Variants in GABBR2 observed in about 807,000 individuals in gnomAD.
GABBR2 encodes the protein G-protein coupled receptor 51.
GABBR2 carries 23 observed loss-of-function variants against 105.6 expected under a neutral mutation model. The ratio of observed to expected loss-of-function variants is 0.22; its 90% confidence interval spans 0.16 to 0.31. GABBR2 has a LOEUF of 0.31. GABBR2 is among the 10% of genes least tolerant of loss of function. The pLI is 1.00. For synonymous variants in GABBR2, 478 were observed against 499.7 expected (o/e 0.96, Z 0.58); for missense variants, 734 against 1,245.5 (o/e 0.59, Z 6.18).
At position 98,290,497 on chromosome 9, in the gene GABBR2, G is replaced by T; in HGVS notation, c.*87C>A. The stretch of plus-strand genomic sequence containing the variant: ...AGCCATGGTGCCCAGCTTCTCCGCA[G>T]CCAGAGCCGACAGTGTTTCTGCAGC... On this transcript the variant is annotated 3_prime_UTR_variant, in exon 19 of 19. Coordinates refer to ENST00000259455, the MANE Select transcript of GABBR2 (RefSeq NM_005458.8). The T allele has an allele frequency of 1.0e-6, 1 of 999,302 alleles. No homozygotes were observed. The highest frequency in any genetic ancestry group is 1.3e-6 in the Non-Finnish European group (1 of 755,828). The allele number at this position is 999,302 out of a possible 1,614,324, so 61.9% of individuals were successfully genotyped here.
intron 7 of GABBR2, among the ~76,000 whole-genome samples, chr9:98,438,018 C>T (rs933964437): frequency 1.3e-5 from 2 of 151,394 alleles, no homozygotes; most frequent in Non-Finnish European, 2.9e-5. Flanking sequence ...CCATCCACAT[C>T]TATCCACCTA....
At chr9:98,633,930 T>C (rs756970400) in intron 1 of GABBR2, among the ~76,000 whole-genome samples, 1 of 152,130 alleles carries the variant, frequency 6.6e-6, no homozygotes, top group African/African-American at 2.4e-5. Context: ...GGCCTCAGCA[T>C]GAACATGGTA....
chr9:98,487,221 G>A (rs1330597311), intron 4 of GABBR2, among the ~76,000 whole-genome samples: 1 of 152,156 alleles, frequency 6.6e-6, no homozygotes, highest in African/African-American at 2.4e-5. Flanking sequence ...TGTGTATTCT[G>A]CAGCTTTGCG....
At chr9:98,492,826 C>A (rs1410335339) in intron 4 of GABBR2, among the ~76,000 whole-genome samples, 1 of 152,162 alleles carries the variant, frequency 6.6e-6, no homozygotes, top group Admixed American at 6.5e-5. Context: ...GTCAAGGGAG[C>A]TTTCAATGTG....
rs1487503223 is a variant in GABBR2 at position 98,388,322 on chromosome 9, C to T, written c.1529+532G>A. Among the ~76,000 whole-genome samples, 7 of 152,236 alleles carry T rather than the reference C, an allele frequency of 4.6e-5. No individual in the cohort carries two copies. In the East Asian group the frequency reaches 7.7e-4, roughly 17 times the overall value. The stretch of plus-strand genomic sequence containing the variant: ...TTTCTCTGTGAAATGAGGAGTTATC[C>T]GGAGGGTCATACGGGATGATGGAAG... On this transcript the variant is annotated intron_variant, in intron 10 of 18. Transcript: ENST00000259455. This position sits in a 1 kb window ranked among gnomAD's most constrained non-coding sequence, Gnocchi z 4.4.
At chr9:98,435,818 C>T (rs902861973) in intron 7 of GABBR2, among the ~76,000 whole-genome samples, 1 of 152,186 alleles carries the variant, frequency 6.6e-6, no homozygotes, top group African/African-American at 2.4e-5. Context: ...CTCAGGGAAG[C>T]CTTTACTGAT....
intron 1 of GABBR2, among the ~76,000 whole-genome samples, chr9:98,588,381 A>G (rs575690598): frequency 7.9e-5 from 12 of 152,380 alleles, no homozygotes; most frequent in African/African-American, 2.9e-4. Context: ...TTTGAACAGA[A>G]CAGGTACCCA....
intron 7 of GABBR2, among the ~76,000 whole-genome samples, chr9:98,436,946 C>T (rs888691780): frequency 2.0e-5 from 3 of 152,116 alleles, no homozygotes; most frequent in East Asian, 1.9e-4. Flanking sequence ...CGGTGTGATA[C>T]ATTTCACAGC....
intron 7 of GABBR2, among the ~76,000 whole-genome samples, chr9:98,416,625 G>A (rs1260198217): frequency 6.6e-6 from 1 of 152,236 alleles, no homozygotes; most frequent in Non-Finnish European, 1.5e-5. Context: ...GTCCCTTTGA[G>A]GGGCCATCAG....
intron 3 of GABBR2, 96 bp from the exon 4 acceptor site, chr9:98,496,610 G>T (rs773311835): frequency 5.1e-6 from 4 of 781,224 alleles, no homozygotes; most frequent in Non-Finnish European, 6.8e-6. Context: ...TGGGCAAAGC[G>T]ATTTTCTCTA....
chr9:98,560,673 A>G (rs960274833), intron 2 of GABBR2, among the ~76,000 whole-genome samples: 5 of 150,956 alleles, frequency 3.3e-5, no homozygotes, highest in Admixed American at 3.3e-4. Context: ...CAATAGCATG[A>G]GGAATACTTT....
chr9:98,303,139 C>A, intron 16 of GABBR2, 102 bp downstream of exon 16: 1 of 875,094 alleles, frequency 1.1e-6, no homozygotes, highest in South Asian at 1.8e-5. Context: ...ACTGCACGGT[C>A]ATGCTGCAGG....
At chr9:98,361,912 TCTGC>T (rs1831592408) in intron 13 of GABBR2, among the ~76,000 whole-genome samples, 1 of 152,254 alleles carries the variant, frequency 6.6e-6, no homozygotes, top group Admixed American at 6.5e-5. Flanking sequence ...GATAAAAGGC[TCTGC>T]CCTCAGTGCA....
At chr9:98,676,593 AT>A (rs1386009478) in intron 1 of GABBR2, among the ~76,000 whole-genome samples, 4 of 152,254 alleles carry the variant, frequency 2.6e-5, no homozygotes, top group South Asian at 2.1e-4. Flanking sequence ...GATTTCTGCA[AT>A]TTTTTTCCCT....
intron 7 of GABBR2, among the ~76,000 whole-genome samples, chr9:98,407,935 T>G (rs1270904957): frequency 6.6e-6 from 1 of 152,178 alleles, no homozygotes; most frequent in African/African-American, 2.4e-5. Flanking sequence ...CTTTGATTTC[T>G]CCTTAATTTC....
chr9:98,300,026 C>A (rs940101235), intron 16 of GABBR2, among the ~76,000 whole-genome samples: 1 of 150,302 alleles, frequency 6.7e-6, no homozygotes, highest in Non-Finnish European at 1.5e-5. Flanking sequence ...CCATGTCTGG[C>A]TAATTTTTTT....
chr9:98,675,499 T>C (rs1209706822), intron 1 of GABBR2, among the ~76,000 whole-genome samples: 1 of 152,176 alleles, frequency 6.6e-6, no homozygotes, highest in Non-Finnish European at 1.5e-5. Flanking sequence ...GCCAAAGCCC[T>C]CAGCTTGTGT....
intron 13 of GABBR2, among the ~76,000 whole-genome samples, chr9:98,321,296 C>T (rs1382431787): frequency 6.6e-6 from 1 of 152,136 alleles, no homozygotes; most frequent in Non-Finnish European, 1.5e-5. Context: ...AAGCAAATCC[C>T]TTCCCCTCAG....
intron 1 of GABBR2, among the ~76,000 whole-genome samples, chr9:98,695,198 G>A (rs1830733820): frequency 6.6e-6 from 1 of 152,204 alleles, no homozygotes; most frequent in South Asian, 2.1e-4. Context: ...GGGTGCTCCA[G>A]ACACAGAGAC....
Sources: gnomAD v4.1 joint callset for allele counts (sites outside exome capture counted in the v4.1 genomes callset) on GRCh38, gnomAD v4.1.1 for gene constraint, Gnocchi (gnomAD v3.1) non-coding constraint, MANE v1.5 for transcripts, NCBI Gene and HGNC (gene_info 2026-07-23, HGNC 2026-07-21) for gene names.